LRP6: variants seen among roughly 807,000 people sequenced by gnomAD.
The protein encoded by LRP6 is low-density lipoprotein receptor-related protein 6.
A neutral mutation model predicts 184.1 loss-of-function variants in LRP6; 43 were observed. The observed-to-expected ratio is 0.23, with a 90% confidence interval of 0.18 to 0.30. The LOEUF is 0.30. LRP6 is among the 10% of genes least tolerant of loss of function. LRP6 has a pLI of 1.00. For missense variants in LRP6, 1,571 were observed against 2,005.3 expected (o/e 0.78, Z 4.14); for synonymous variants, 719 against 684.9 (o/e 1.05, Z -0.78).
At chr12:12,223,513 C>G (rs182474945) in intron 2 of LRP6, among the ~76,000 whole-genome samples, 1 of 152,188 alleles carries the variant, frequency 6.6e-6, no homozygotes, top group Non-Finnish European at 1.5e-5. Flanking sequence ...AATCTTTCAT[C>G]TTGAGGGTCA....
At chr12:12,206,999 G>A (rs1864078165) in intron 2 of LRP6, among the ~76,000 whole-genome samples, 1 of 151,902 alleles carries the variant, frequency 6.6e-6, no homozygotes. Flanking sequence ...ACAACAAAAT[G>A]AGAAGCATTT....
chr12:12,136,863 T>C (rs1489548450), intron 16 of LRP6, among the ~76,000 whole-genome samples: 1 of 152,176 alleles, frequency 6.6e-6, no homozygotes, highest in African/African-American at 2.4e-5. Context: ...TTACCTAATA[T>C]ACAATCATAT....
At chr12:12,201,519 C>T (rs1179479231) in intron 3 of LRP6, among the ~76,000 whole-genome samples, 1 of 152,034 alleles carries the variant, frequency 6.6e-6, no homozygotes, top group Admixed American at 6.6e-5. Flanking sequence ...TATGAGACAC[C>T]CTGTTAAATC....
chr12:12,190,242 T>C (rs1413046505), intron 3 of LRP6, among the ~76,000 whole-genome samples: 1 of 152,162 alleles, frequency 6.6e-6, no homozygotes, highest in African/African-American at 2.4e-5. Flanking sequence ...CAAGTAAGCC[T>C]ACCTCCTGAT....
At chr12:12,261,057 A>G (rs1179833594) in intron 1 of LRP6, among the ~76,000 whole-genome samples, 1 of 152,218 alleles carries the variant, frequency 6.6e-6, no homozygotes. Flanking sequence ...CAAAGCATAT[A>G]TAAGGACACA....
chr12:12,247,874 C>T (rs1179002887), intron 1 of LRP6, among the ~76,000 whole-genome samples: 3 of 152,194 alleles, frequency 2.0e-5, no homozygotes, highest in Admixed American at 1.3e-4. Context: ...CAGTGGAACA[C>T]TCACAGTGCT....
intron 7 of LRP6, among the ~76,000 whole-genome samples, chr12:12,168,519 C>T (rs1379548396): frequency 6.6e-6 from 1 of 152,104 alleles, no homozygotes; most frequent in Non-Finnish European, 1.5e-5. Context: ...AAGCAGATAC[C>T]ACCCTATGGC....
chr12:12,169,154 G>A (rs543239683), intron 7 of LRP6, among the ~76,000 whole-genome samples: 20 of 151,846 alleles, frequency 1.3e-4, no homozygotes, highest in East Asian at 3.9e-4. Flanking sequence ...GCTTAAACCC[G>A]GGAGGCAGAG....
intron 2 of LRP6, among the ~76,000 whole-genome samples, chr12:12,206,413 G>A (rs1864057833): frequency 6.6e-6 from 1 of 152,068 alleles, no homozygotes; most frequent in South Asian, 2.1e-4. Context: ...CGTGGTGGCA[G>A]ATGCCTATAG....
intron 15 of LRP6, among the ~76,000 whole-genome samples, chr12:12,139,428 T>C (rs1457187156): frequency 2.0e-5 from 3 of 152,174 alleles, no homozygotes; most frequent in Non-Finnish European, 2.9e-5. Context: ...AATATGGTGA[T>C]TGAAAAAATT....
intron 15 of LRP6, among the ~76,000 whole-genome samples, chr12:12,145,127 G>GA (rs922486681): frequency 3.3e-5 from 5 of 151,320 alleles, no homozygotes; most frequent in African/African-American, 7.3e-5. Flanking sequence ...GTGAATTTTG[G>GA]AAAAAACAAT....
chr12:12,170,734 GTCTT>G (rs1329715094), intron 7 of LRP6, among the ~76,000 whole-genome samples: 2 of 149,046 alleles, frequency 1.3e-5, no homozygotes, highest in African/African-American at 4.9e-5. Context: ...CTTTTATTTG[GTCTT>G]TCTTTCTTCC....
chr12:12,135,426 G>T, intron 16 of LRP6, 126 bp from the exon 17 acceptor site: 1 of 536,598 alleles, frequency 1.9e-6, no homozygotes, highest in Non-Finnish European at 3.3e-6. Context: ...AATCAGCTTG[G>T]ACTCTTTTTT....
At chr12:12,124,683 A>C (rs769260932) in intron 21 of LRP6, 21 bp from the exon 22 acceptor site, 2 of 1,404,104 alleles carry the variant, frequency 1.4e-6, no homozygotes, top group Non-Finnish European at 2.0e-6. Context: ...AAAATAATTA[A>C]AATATTAAAA....
At chr12:12,145,486 G>A (rs1949991844) in intron 15 of LRP6, among the ~76,000 whole-genome samples, 2 of 151,726 alleles carry the variant, frequency 1.3e-5, no homozygotes, top group South Asian at 4.2e-4. Context: ...TGACATGTAT[G>A]TCTGTTTCTT....
intron 2 of LRP6, among the ~76,000 whole-genome samples, chr12:12,236,859 T>C (rs551854125): frequency 2.0e-5 from 3 of 151,950 alleles, no homozygotes; most frequent in Non-Finnish European, 4.4e-5. Context: ...TAATGAAACA[T>C]GAAAATGGAT....
chr12:12,164,733 T>G (rs898404902), intron 8 of LRP6, among the ~76,000 whole-genome samples, 171 bp from the exon 9 acceptor site: 1 of 151,940 alleles, frequency 6.6e-6, no homozygotes, highest in South Asian at 2.1e-4. Flanking sequence ...TGCAGATTAA[T>G]AGGGAGTAAA....
In LRP6 at chr12:12,168,177, T is replaced by C. The variant is rs540885181; in HGVS notation, c.1546-2882A>G. Reference sequence around the variant, plus strand: ...ATCTAGTAAATGCAAACCACCATGATAGACCTGATGAATGCTGAGAAGTTT... The same window carrying C: ...ATCTAGTAAATGCAAACCACCATGACAGACCTGATGAATGCTGAGAAGTTT... On this transcript the variant is annotated intron_variant, in intron 7 of 22. Coordinates refer to ENST00000261349, the MANE Select transcript of LRP6 (RefSeq NM_002336.3). Among the ~76,000 whole-genome samples the C allele has an allele frequency of 2.8e-4, 42 of 152,144 alleles. 1 individual carries two copies. Among genetic ancestry groups the C allele is most frequent in the South Asian group, 1.0e-3 (5 of 4,822 alleles).
intron 22 of LRP6, among the ~76,000 whole-genome samples, 168 bp downstream of exon 22, chr12:12,124,397 G>A (rs750030548): frequency 1.3e-5 from 2 of 151,950 alleles, no homozygotes; most frequent in Admixed American, 6.6e-5. Flanking sequence ...AAAGTATAAC[G>A]TCCTGAAAGG....
Sources: allele counts gnomAD v4.1 joint callset (sites outside exome capture counted in the v4.1 genomes callset), GRCh38; gene constraint gnomAD v4.1.1; transcripts MANE v1.5; gene names NCBI Gene and HGNC (gene_info 2026-07-23, HGNC 2026-07-21).